Variants in AP3B1 observed in about 807,000 individuals in gnomAD.
AP3B1 encodes adaptor related protein complex 3 subunit beta 1.
A neutral mutation model predicts 132.5 loss-of-function variants in AP3B1; 61 were observed. The ratio of observed to expected loss-of-function variants is 0.46; its 90% confidence interval spans 0.37 to 0.57. The LOEUF (loss-of-function observed/expected upper bound fraction) is 0.57, where lower values mean the gene tolerates loss of function less well. Ranked by LOEUF, AP3B1 falls within the 20% of genes least tolerant of loss-of-function variation. The pLI is 0.00. For missense variants in AP3B1, 1,120 were observed against 1,289.4 expected (o/e 0.87, Z 2.01); for synonymous variants, 388 against 438.3 (o/e 0.89, Z 1.43).
intron 7 of AP3B1, among the ~76,000 whole-genome samples, chr5:78,214,345 T>A (rs1323489342): frequency 6.6e-6 from 1 of 152,084 alleles, no homozygotes. Flanking sequence ...TAAAAATAAA[T>A]TTTATCTAAA....
intron 14 of AP3B1, among the ~76,000 whole-genome samples, chr5:78,144,265 A>G (rs1380451434): frequency 1.3e-5 from 2 of 152,200 alleles, no homozygotes; most frequent in African/African-American, 4.8e-5. Flanking sequence ...AAGTGATTAA[A>G]TGCACTTTTC....
chr5:78,028,308 CAATT>C (rs201368116), intron 24 of AP3B1, among the ~76,000 whole-genome samples: 2,044 of 151,464 alleles, frequency 0.013, 18 homozygotes, highest in Non-Finnish European at 0.022. Context: ...GAAAATACTA[CAATT>C]AGTCGGGCAT....
intron 21 of AP3B1, among the ~76,000 whole-genome samples, chr5:78,097,742 G>A (rs1750935002): frequency 6.6e-6 from 1 of 151,936 alleles, no homozygotes; most frequent in Non-Finnish European, 1.5e-5. Flanking sequence ...GAAGTGAGGA[G>A]CCCCTCTGCC....
intron 14 of AP3B1, among the ~76,000 whole-genome samples, chr5:78,152,337 T>C (rs1467793497): frequency 2.0e-5 from 3 of 151,972 alleles, no homozygotes; most frequent in African/African-American, 7.2e-5. Flanking sequence ...AGAACTTTTA[T>C]TATGGTTTCA....
At chr5:78,092,599 A>G (rs937967197) in intron 21 of AP3B1, among the ~76,000 whole-genome samples, 4 of 152,238 alleles carry the variant, frequency 2.6e-5, no homozygotes, top group African/African-American at 4.8e-5. Flanking sequence ...TACAAGGAAT[A>G]TAGCACCCTC....
intron 7 of AP3B1, among the ~76,000 whole-genome samples, chr5:78,183,043 C>T (rs746088086): frequency 1.6e-4 from 24 of 152,208 alleles, no homozygotes; most frequent in Non-Finnish European, 1.9e-4. Flanking sequence ...CTAGTAGTAA[C>T]CAAAGTCAGC....
intron 21 of AP3B1, 40 bp downstream of exon 21, chr5:78,100,913 T>C: frequency 1.6e-6 from 2 of 1,229,258 alleles, no homozygotes; most frequent in Non-Finnish European, 1.2e-6. Flanking sequence ...AAAATACTCT[T>C]ACTAAACACA....
chr5:78,039,395 A>G, intron 22 of AP3B1, 121 bp from the exon 23 acceptor site: 1 of 762,740 alleles, frequency 1.3e-6, no homozygotes, highest in South Asian at 1.5e-5. Context: ...ATGAACTACA[A>G]TAACAAACAT....
At chr5:78,035,657 G>T (rs1160000069) in intron 23 of AP3B1, among the ~76,000 whole-genome samples, 1 of 152,020 alleles carries the variant, frequency 6.6e-6, no homozygotes, top group Non-Finnish European at 1.5e-5. Flanking sequence ...GGCAAAGGAA[G>T]TATGTTAAAA....
chr5:78,009,645 C>G (rs1746537544), intron 26 of AP3B1, among the ~76,000 whole-genome samples: 1 of 152,040 alleles, frequency 6.6e-6, no homozygotes, highest in African/African-American at 2.4e-5. Flanking sequence ...AGTTAAGGAC[C>G]TAGTGACAAC....
intron 17 of AP3B1, among the ~76,000 whole-genome samples, chr5:78,126,926 A>G (rs1393244789): frequency 1.3e-5 from 2 of 152,218 alleles, no homozygotes; most frequent in Non-Finnish European, 2.9e-5. Flanking sequence ...GGGAATAACA[A>G]TAACCATCCC....
At chr5:78,270,786 T>A (rs1468768391) in intron 1 of AP3B1, among the ~76,000 whole-genome samples, 1 of 152,124 alleles carries the variant, frequency 6.6e-6, no homozygotes, top group African/African-American at 2.4e-5. Context: ...CCTTGCAGAG[T>A]GCTCAGAACT....
intron 7 of AP3B1, among the ~76,000 whole-genome samples, chr5:78,209,024 C>T (rs1239839849): frequency 2.0e-5 from 3 of 151,976 alleles, no homozygotes; most frequent in Non-Finnish European, 2.9e-5. Context: ...GAAGTCAATA[C>T]ATAATGCCTA....
intron 11 of AP3B1, among the ~76,000 whole-genome samples, chr5:78,172,630 T>A (rs1156870004): frequency 1.3e-5 from 2 of 152,202 alleles, no homozygotes; most frequent in East Asian, 1.9e-4. Context: ...CTCTCTTTTC[T>A]CCATTAGTCT....
intron 22 of AP3B1, among the ~76,000 whole-genome samples, chr5:78,071,042 C>T (rs1003296330): frequency 6.6e-6 from 1 of 152,116 alleles, no homozygotes; most frequent in Admixed American, 6.6e-5. Context: ...ATTTGACCCA[C>T]CAATCCCATT....
intron 26 of AP3B1, among the ~76,000 whole-genome samples, chr5:78,013,840 T>C (rs1056899645): frequency 6.6e-6 from 1 of 152,152 alleles, no homozygotes; most frequent in Admixed American, 6.5e-5. Context: ...CACCATCCTA[T>C]GTGAGATAGA....
intron 3 of AP3B1, among the ~76,000 whole-genome samples, chr5:78,239,741 T>G (rs1747039988): frequency 7.2e-6 from 1 of 139,072 alleles, no homozygotes; most frequent in Non-Finnish European, 1.5e-5. Flanking sequence ...ATCACACCAC[T>G]GCACTCCAGC....
chr5:78,122,597 T>C (rs1321865231), intron 17 of AP3B1, among the ~76,000 whole-genome samples: 3 of 152,170 alleles, frequency 2.0e-5, no homozygotes, highest in Admixed American at 6.5e-5. Flanking sequence ...CCATTCACAA[T>C]TGCTTCAAAG....
chr5:78,197,783 T>A (rs1472273760), intron 7 of AP3B1, among the ~76,000 whole-genome samples: 3 of 152,184 alleles, frequency 2.0e-5, no homozygotes, highest in Non-Finnish European at 4.4e-5. Context: ...TAAAAATTGA[T>A]AAAGGAATCA....
Sources: allele counts gnomAD v4.1 joint callset (sites outside exome capture counted in the v4.1 genomes callset), GRCh38; gene constraint gnomAD v4.1.1; transcripts MANE v1.5; gene names NCBI Gene and HGNC (gene_info 2026-07-23, HGNC 2026-07-21).